The following HIVEP1 variants were observed in gnomAD, a reference collection of about 807,000 sequenced individuals.
HIVEP1 encodes HIVEP zinc finger 1, also known as zinc finger protein 40.
HIVEP1 carries 36 observed loss-of-function variants against 180.0 expected under a neutral mutation model. The observed-to-expected ratio is 0.20, with a 90% CI of 0.15 to 0.26. The LOEUF is 0.26. Among genes scored for constraint, HIVEP1 ranks in the 10% least tolerant of loss-of-function variants. The probability of loss-of-function intolerance (pLI) is 1.00; values close to 1 mark genes in which losing one functional copy is unlikely to be tolerated. For missense variants in HIVEP1, 3,143 were observed against 3,268.7 expected, an observed-to-expected ratio of 0.96 and a Z score of 0.94; for synonymous variants, 1,239 against 1,239.0, an observed-to-expected ratio of 1.00 and a Z score of 0.00.
At chr6:12,175,833 C>T in the HIVEP1 span, among the ~76,000 whole-genome samples, 1 of 152,106 alleles carries the variant, frequency 6.6e-6, no homozygotes, top group Non-Finnish European at 1.5e-5. Flanking sequence ...GTAGATGACG[C>T]GGCACCATCC....
At chr6:12,203,550 A>G in the HIVEP1 span, among the ~76,000 whole-genome samples, 1 of 152,210 alleles carries the variant, frequency 6.6e-6, no homozygotes, top group East Asian at 1.9e-4. Flanking sequence ...TAGAGGTGAC[A>G]TGGGCACCCA....
rs1757738660 is a variant in HIVEP1, at chr6:12,122,474, C to G, written c.2679C>G (p.Pro893=). The G allele has an allele frequency of 6.2e-7, 1 of 1,614,162 alleles. No homozygotes were observed. Among genetic ancestry groups the G allele is most frequent in the Non-Finnish European group, 8.5e-7 (1 of 1,180,036 alleles). The change falls in exon 4 of 9, where the codon CCC becomes CCG. Residue 893 remains proline, a synonymous_variant. Transcript: ENST00000379388. Reference sequence around the variant, plus strand: ...CTCCTGTGCCCCAGAGTGGGCATCCCCGTACACTTGTGAGACAAGCAGCCA... The same window carrying G: ...CTCCTGTGCCCCAGAGTGGGCATCCGCGTACACTTGTGAGACAAGCAGCCA... ...PNAPVPQSGH[P]RTLVRQAAIE...
chr6:12,204,986 C>T, the HIVEP1 span, among the ~76,000 whole-genome samples: 1 of 152,148 alleles, frequency 6.6e-6, no homozygotes, highest in Non-Finnish European at 1.5e-5. Context: ...GAGGGAACAA[C>T]CGGTGCAAAG....
downstream of HIVEP1, among the ~76,000 whole-genome samples, chr6:12,169,709 A>G (rs1458327319): frequency 6.6e-6 from 1 of 152,182 alleles, no homozygotes; most frequent in African/African-American, 2.4e-5. Context: ...GGGACTTTAG[A>G]ATATACATGA....
chr6:12,061,069 G>A (rs905141196), intron 2 of HIVEP1, among the ~76,000 whole-genome samples: 4 of 152,058 alleles, frequency 2.6e-5, no homozygotes, highest in African/African-American at 9.7e-5. Flanking sequence ...CAGGTGTGCC[G>A]CGGCGGCACA....
At chr6:12,155,358 A>C (rs961128943) in intron 7 of HIVEP1, among the ~76,000 whole-genome samples, 28 of 152,086 alleles carry the variant, frequency 1.8e-4, no homozygotes, top group African/African-American at 6.8e-4. Flanking sequence ...CCATCTCATC[A>C]TCTCAGTATT....
At position 12,015,625 on chromosome 6, in the gene HIVEP1, G is replaced by C. The variant is rs188546828; in HGVS notation, c.-4G>C. The stretch of plus-strand genomic sequence containing the variant: ...AAGAAAAAGAAGGCCCTGAGTCAAA[G>C]AAGATGCCTCGAACTAAACAAATTC... On this transcript the variant is annotated 5_prime_UTR_variant, in exon 2 of 9. Transcript: ENST00000379388. The C allele has an allele frequency of 3.5e-5, 56 of 1,613,464 alleles. No homozygotes were observed. In the East Asian group the frequency reaches 1.0e-3, roughly 30 times the overall value.
chr6:12,099,658 A>G (rs970720263), intron 3 of HIVEP1, among the ~76,000 whole-genome samples: 3 of 151,376 alleles, frequency 2.0e-5, no homozygotes, highest in Non-Finnish European at 2.9e-5. Context: ...CTTCCCCTAT[A>G]CAGTTTTGCC....
Position 12,123,567 on chromosome 6 carries a change from GAGA to G in HIVEP1, c.3775_3777del (p.Lys1259del), listed in dbSNP as rs766554712. 2 of 1,614,130 alleles carry G rather than the reference GAGA, an allele frequency of 1.2e-6. No individual in the cohort carries two copies. The highest frequency in any genetic ancestry group is 1.3e-5 in the African/African-American group (1 of 75,022). On this transcript the variant is annotated inframe_deletion, in exon 4 of 9. Transcript: ENST00000379388. ...TCAATGCCATGATCAAGAAAAGTCA[GAGA>G]AGTTCAGTTGGCCCCAGCGTAGTGA...
In HIVEP1 at chr6:12,124,104, A is replaced by G. The variant is rs773314261; in HGVS notation, c.4309A>G (p.Ile1437Val). 2 of 1,614,168 alleles carry G rather than the reference A, an allele frequency of 1.2e-6. No individual in the cohort carries two copies. The highest frequency in any genetic ancestry group is 1.1e-5 in the South Asian group (1 of 91,080). ...GPLVRQISLN[I>V]APDSHLSPVH... ...ACTGGTACGGCAAATATCTTTAAAC[A>G]TAGCCCCAGATAGTCATCTGTCTCC... The change falls in exon 4 of 9, where the codon ATA becomes GTA. Residue 1437 changes from isoleucine (I) to valine (V), a missense_variant. By Grantham distance (29) the Ile-to-Val change is conservative. Around this residue, in one of 12 missense-constraint regions of HIVEP1, gnomAD observed 1,357 missense variants for 1,260.5 expected, o/e 1.08. Coordinates refer to ENST00000379388, the MANE Select transcript of HIVEP1 (RefSeq NM_002114.4).
At chr6:12,125,911 A>C in intron 4 of HIVEP1, 41 bp downstream of exon 4, 1 of 1,262,224 alleles carries the variant, frequency 7.9e-7, no homozygotes, top group African/African-American at 1.5e-5. Context: ...GGTTTGCGCA[A>C]ATTTGTTTCC....
Position 12,129,910 on chromosome 6 carries a change from T to C in HIVEP1, c.6209+18T>C, listed in dbSNP as rs2113561804. The C allele has an allele frequency of 1.3e-6, 2 of 1,494,930 alleles. No homozygotes were observed. The highest frequency in any genetic ancestry group is 2.3e-5 in the East Asian group (1 of 44,072). 92.6% of individuals were successfully genotyped at this position (1,494,930 alleles called of 1,614,324 possible). Reference sequence around the variant, plus strand: ...GATGGAGGGCAAGTACAAATTTTACTTCTTAAATGTACATTTAAACTGACT... The same window carrying C: ...GATGGAGGGCAAGTACAAATTTTACCTCTTAAATGTACATTTAAACTGACT... On this transcript the variant is annotated intron_variant, in intron 5 of 8. Transcript: ENST00000379388.
chr6:12,176,551 G>A, the HIVEP1 span, among the ~76,000 whole-genome samples: 1 of 152,032 alleles, frequency 6.6e-6, no homozygotes, highest in African/African-American at 2.4e-5. Context: ...TATGTTTTTA[G>A]GAGCCGTTGG....
chr6:12,193,213 C>T, the HIVEP1 span, among the ~76,000 whole-genome samples: 5 of 152,116 alleles, frequency 3.3e-5, no homozygotes, highest in Non-Finnish European at 7.4e-5. Flanking sequence ...AATACTTAGT[C>T]AATATGCTGC....
intron 4 of HIVEP1, 188 bp from the exon 5 acceptor site, chr6:12,129,571 T>C: frequency 1.5e-6 from 1 of 685,510 alleles, no homozygotes; most frequent in Non-Finnish European, 2.7e-6. Context: ...GATTTATCAG[T>C]TTGCTGTGAT....
chr6:12,055,304 C>T (rs1441578688), intron 2 of HIVEP1, among the ~76,000 whole-genome samples: 2 of 152,064 alleles, frequency 1.3e-5, no homozygotes, highest in Admixed American at 1.3e-4. Context: ...GAAACTCCGT[C>T]TCTACTAAAA....
upstream of HIVEP1, chr6:12,008,978 T>C (rs4714111): frequency 1 from 151,840 of 152,316 alleles, 75,682 homozygotes; most frequent in Non-Finnish European, 1. Context: ...GTCGCCGGGT[T>C]GCCCAGAGGA....
chr6:12,058,392 G>A (rs148601816), intron 2 of HIVEP1, among the ~76,000 whole-genome samples: 11 of 152,248 alleles, frequency 7.2e-5, no homozygotes, highest in African/African-American at 2.6e-4. Flanking sequence ...TTACATTTTA[G>A]TTCCACTCCC....
intron 2 of HIVEP1, among the ~76,000 whole-genome samples, chr6:12,073,790 A>T (rs949370101): frequency 5.9e-5 from 9 of 152,162 alleles, no homozygotes; most frequent in African/African-American, 2.2e-4. Context: ...AACCTTTGCC[A>T]TCCAGATTTT....
Sources: allele counts gnomAD v4.1 joint callset (sites outside exome capture counted in the v4.1 genomes callset), GRCh38; gene constraint gnomAD v4.1.1; regional missense constraint gnomAD v4.1.1; transcripts MANE v1.5; gene names NCBI Gene and HGNC (gene_info 2026-07-23, HGNC 2026-07-21).